Variants in SLC24A2 observed in about 807,000 individuals in gnomAD.
SLC24A2 encodes solute carrier family 24 member 2.
Under a neutral mutation model 62.0 loss-of-function variants are expected in SLC24A2, and 36 were observed. The ratio of observed to expected loss-of-function variants is 0.58; its 90% CI spans 0.44 to 0.77. SLC24A2 has a LOEUF of 0.77. Ranked by LOEUF, SLC24A2 falls within the 30% of genes least tolerant of loss-of-function variation. The pLI is 0.00. For missense variants in SLC24A2, 846 were observed against 817.9 expected (o/e 1.03, Z -0.42); for synonymous variants, 358 against 294.0 (o/e 1.22, Z -2.23).
the SLC24A2 span, among the ~76,000 whole-genome samples, chr9:20,075,124 C>T: frequency 1.3e-5 from 2 of 152,132 alleles, no homozygotes; most frequent in Non-Finnish European, 2.9e-5. Context: ...GGCATTACTA[C>T]TTTTATTGCT....
At chr9:19,636,323 C>CT (rs1554690385) in intron 2 of SLC24A2, among the ~76,000 whole-genome samples, 1,216 of 18,210 alleles carry the variant, frequency 0.067, 73 homozygotes, top group Middle Eastern at 0.095. Context: ...TCTTTTCTTT[C>CT]TTTCTTTCTT....
intron 4 of SLC24A2, among the ~76,000 whole-genome samples, chr9:19,611,531 G>A (rs1222238859): frequency 1.3e-5 from 2 of 152,152 alleles, no homozygotes; most frequent in East Asian, 1.9e-4. Flanking sequence ...TTCTGGGGCC[G>A]CTGTACGCTC....
intron 2 of SLC24A2, among the ~76,000 whole-genome samples, chr9:19,741,540 C>A (rs1821678608): frequency 1.3e-5 from 2 of 152,176 alleles, no homozygotes; most frequent in South Asian, 4.1e-4. Context: ...ATAATTCTAG[C>A]CTTTTCTCTT....
chr9:19,785,052 C>G (rs1192222303), intron 2 of SLC24A2, among the ~76,000 whole-genome samples: 1 of 152,166 alleles, frequency 6.6e-6, no homozygotes, highest in South Asian at 2.1e-4. Flanking sequence ...TTTAAAATCA[C>G]ATTCAGAGAT....
At chr9:19,939,824 C>A in the SLC24A2 span, among the ~76,000 whole-genome samples, 63 of 152,302 alleles carry the variant, frequency 4.1e-4, 1 homozygote, top group African/African-American at 1.4e-3. Flanking sequence ...TAGAAATAAA[C>A]TGCCAGCCCC....
the SLC24A2 span, among the ~76,000 whole-genome samples, chr9:20,258,812 CT>C: frequency 9.0e-4 from 126 of 139,240 alleles, 1 homozygote; most frequent in African/African-American, 3.3e-3. Context: ...ATCTATCTAT[CT>C]ACCTTATCTA....
At chr9:19,918,386 C>T in the SLC24A2 span, among the ~76,000 whole-genome samples, 1 of 59,344 alleles carries the variant, frequency 1.7e-5, no homozygotes, top group Non-Finnish European at 3.1e-5. Flanking sequence ...GGCTATTCTG[C>T]CTTTATCAAA....
the SLC24A2 span, among the ~76,000 whole-genome samples, chr9:19,804,312 G>A: frequency 2.0e-5 from 3 of 151,886 alleles, no homozygotes; most frequent in African/African-American, 7.3e-5. Flanking sequence ...AAAATGTTTT[G>A]TACCTCTTGA....
At chr9:20,288,330 T>A in the SLC24A2 span, among the ~76,000 whole-genome samples, 2 of 152,114 alleles carry the variant, frequency 1.3e-5, no homozygotes, top group Non-Finnish European at 2.9e-5. Context: ...CTCATGTTCT[T>A]CTTATAAGGT....
chr9:20,052,051 T>C, the SLC24A2 span, among the ~76,000 whole-genome samples: 3 of 152,184 alleles, frequency 2.0e-5, no homozygotes, highest in Non-Finnish European at 2.9e-5. Flanking sequence ...ACATTCAATA[T>C]GTATTAGCTA....
the SLC24A2 span, among the ~76,000 whole-genome samples, chr9:20,115,116 C>G: frequency 6.6e-6 from 1 of 151,998 alleles, no homozygotes; most frequent in Non-Finnish European, 1.5e-5. Flanking sequence ...TAGCCTGGGA[C>G]AAAGTTCCTC....
At chr9:19,658,978 G>C (rs767011483) in intron 2 of SLC24A2, among the ~76,000 whole-genome samples, 3 of 152,132 alleles carry the variant, frequency 2.0e-5, no homozygotes, top group Admixed American at 1.3e-4. Flanking sequence ...GAACTCTACT[G>C]TTTACAAGTT....
At chr9:19,640,442 A>C (rs62563283) in intron 2 of SLC24A2, among the ~76,000 whole-genome samples, 4,542 of 152,314 alleles carry the variant, frequency 0.03, 71 homozygotes, top group Middle Eastern at 0.068. Flanking sequence ...ACTAATATTT[A>C]TGTTTTCTGA....
chr9:20,108,713 G>T, the SLC24A2 span, among the ~76,000 whole-genome samples: 1 of 143,518 alleles, frequency 7.0e-6, no homozygotes, highest in Non-Finnish European at 1.5e-5. Flanking sequence ...TTGGGGGAGG[G>T]GGGAGGGATA....
At chr9:19,549,874 T>C (rs375243885) in intron 8 of SLC24A2, among the ~76,000 whole-genome samples, 4 of 152,218 alleles carry the variant, frequency 2.6e-5, no homozygotes, top group African/African-American at 4.8e-5. Context: ...TAGTTTGTTA[T>C]GCAGATTTGA....
chr9:20,176,889 T>C, the SLC24A2 span, among the ~76,000 whole-genome samples: 2 of 136,666 alleles, frequency 1.5e-5, no homozygotes, highest in African/African-American at 5.7e-5. Flanking sequence ...GCACCAAACT[T>C]CTAACAGTTA....
the SLC24A2 span, among the ~76,000 whole-genome samples, chr9:20,135,365 ATTT>A: frequency 8.7e-6 from 1 of 114,900 alleles, no homozygotes; most frequent in African/African-American, 3.6e-5. Context: ...TAAAATTTTA[ATTT>A]TTAATTACAA....
At chr9:19,703,569 G>C (rs1820419538) in intron 2 of SLC24A2, among the ~76,000 whole-genome samples, 1 of 152,168 alleles carries the variant, frequency 6.6e-6, no homozygotes, top group Non-Finnish European at 1.5e-5. Context: ...TTTAGCAAGT[G>C]AGCTCACTGT....
chr9:19,706,781 T>C (rs1297728637), intron 2 of SLC24A2, among the ~76,000 whole-genome samples: 1 of 151,994 alleles, frequency 6.6e-6, no homozygotes, highest in Admixed American at 6.6e-5. Flanking sequence ...TTTATAGCAA[T>C]AAATGCCCAC....
Sources: allele counts gnomAD v4.1 joint callset (sites outside exome capture counted in the v4.1 genomes callset), GRCh38; gene constraint gnomAD v4.1.1; transcripts MANE v1.5; gene names NCBI Gene and HGNC (gene_info 2026-07-23, HGNC 2026-07-21).